ARHGAP27: variants seen among roughly 807,000 people sequenced by gnomAD.
The protein encoded by ARHGAP27 is rho GTPase-activating protein 27.
ARHGAP27 carries 53 observed loss-of-function variants against 102.0 expected under a neutral mutation model. The observed-to-expected ratio is 0.52, with a 90% CI of 0.42 to 0.65. The LOEUF (loss-of-function observed/expected upper bound fraction) is 0.65. Among genes scored for constraint, ARHGAP27 ranks in the 30% least tolerant of loss-of-function variants. The probability of loss-of-function intolerance (pLI) is 0.00; values close to 1 mark genes in which losing one functional copy is unlikely to be tolerated. For synonymous variants in ARHGAP27, 525 were observed against 542.8 expected (o/e 0.97, Z 0.46); for missense variants, 1,117 against 1,256.2 (o/e 0.89, Z 1.68).
chr17:45,411,330 C>T (rs1157707162), intron 4 of ARHGAP27, among the ~76,000 whole-genome samples: 1 of 152,030 alleles, frequency 6.6e-6, no homozygotes, highest in Non-Finnish European at 1.5e-5. Context: ...GGCCAGGCAG[C>T]ACTAAGCCCA....
Position 45,395,155 on chromosome 17 carries a change from C to CCACACACGCTAT in ARHGAP27, c.*289_*300dup, listed in dbSNP as rs1453120642. On this transcript the variant is annotated 3_prime_UTR_variant, in exon 20 of 20. Transcript: ENST00000685559. ...CATTCCAGAAAACAAACTCTCACCC[C>CCACACACGCTAT]CACACACGCTATCGCACACGCACAG... The CCACACACGCTAT allele has an allele frequency of 3.9e-4, 180 of 464,068 alleles. No individual in the cohort carries two copies. Among genetic ancestry groups the CCACACACGCTAT allele is most frequent in the Middle Eastern group, 5.6e-4 (1 of 1,796 alleles). The allele number at this position is 464,068 out of a possible 1,614,324, so 28.7% of individuals were successfully genotyped here.
Position 45,404,910 on chromosome 17 carries a change from C to T in ARHGAP27, c.1248+14G>A, listed in dbSNP as rs1461805367. The T allele has an allele frequency of 6.8e-6, 11 of 1,614,092 alleles. No individual in the cohort carries two copies. In the East Asian group the frequency reaches 1.3e-4, roughly 20 times the overall value. The stretch of plus-strand genomic sequence containing the variant: ...CTCTGAGGCTGTCCGGGTCCATCTG[C>T]CCCCTGCCCCTACCTGCTCCTGAGT... On this transcript the variant is annotated intron_variant, in intron 6 of 19. Coordinates refer to ENST00000685559, the MANE Select transcript of ARHGAP27 (RefSeq NM_001282290.2).
chr17:45,402,287 C>G (rs568345804), intron 12 of ARHGAP27, among the ~76,000 whole-genome samples: 2 of 152,310 alleles, frequency 1.3e-5, no homozygotes, highest in Admixed American at 6.5e-5. Flanking sequence ...CCATTCTAGT[C>G]ATGAGAATTT....
chr17:45,410,427 A>T, intron 4 of ARHGAP27: 102 of 1,164,998 alleles, frequency 8.8e-5, no homozygotes, highest in East Asian at 4.6e-4. Context: ...ACTCCAGCCC[A>T]TTTCCTGTCA....
chr17:45,396,704 T>A lies in ARHGAP27; in HGVS notation c.2038A>T (p.Thr680Ser). The A allele has an allele frequency of 6.2e-7, 1 of 1,613,816 alleles. No homozygotes were observed. The highest frequency in any genetic ancestry group is 8.5e-7 in the Non-Finnish European group (1 of 1,179,794). The change falls in exon 15 of 20, where the codon ACA (threonine) becomes TCA (serine). Residue 680 changes from threonine to serine, a missense_variant. Coordinates refer to ENST00000685559, the MANE Select transcript of ARHGAP27 (RefSeq NM_001282290.2). ...CCCTTCTCCCGCAGCGACTGCAGTGTGGGCCGCCTCTGGAGGAACTTGCGG... is the reference window on the plus strand; with the variant it reads ...CCCTTCTCCCGCAGCGACTGCAGTGAGGGCCGCCTCTGGAGGAACTTGCGG... ...KLRKFLQRRP[T>S]LQSLREKGYI...
chr17:45,431,402 C>T (rs1412396575), intron 3 of ARHGAP27, among the ~76,000 whole-genome samples: 1 of 152,242 alleles, frequency 6.6e-6, no homozygotes, highest in African/African-American at 2.4e-5. Flanking sequence ...AGGAGACCGC[C>T]GCTTGCCGAG....
rs767217091 is a variant in ARHGAP27, at chr17:45,402,752, C to T, written c.1705G>A (p.Ala569Thr). The change falls in exon 12 of 20, where the codon GCC (alanine) becomes ACC (threonine). Residue 569 changes from alanine to threonine, a missense_variant. By Grantham distance (58) the Ala-to-Thr change is moderately conservative (BLOSUM62 0). Coordinates refer to ENST00000685559, the MANE Select transcript of ARHGAP27 (RefSeq NM_001282290.2). ...TTCCTACTGGATTTGTCTTTGGGGG[C>T]CCAGGAGAGAGTGGCCCCCCTCAGC... ...VELRGATLSW[A>T]PKDKSSRKNV... 5.6e-6 allele frequency: 9 copies of T among 1,613,282 alleles called. No individual in the cohort carries two copies. The Admixed American group carries it at 8.3e-5, about 15-fold the overall frequency.
At chr17:45,397,053 G>C in intron 13 of ARHGAP27, 29 bp from the exon 14 acceptor site, 4 of 1,598,960 alleles carry the variant, frequency 2.5e-6, no homozygotes, top group Non-Finnish European at 3.4e-6. Flanking sequence ...AGAGAGGCGG[G>C]GCCTTGAGCC....
intron 4 of ARHGAP27, among the ~76,000 whole-genome samples, chr17:45,406,590 G>A (rs1347158696): frequency 6.6e-6 from 1 of 152,242 alleles, no homozygotes; most frequent in Non-Finnish European, 1.5e-5. Context: ...GCAAGTCAGA[G>A]GTTGGGCAGG....
Position 45,422,610 on chromosome 17 carries a change from G to A in ARHGAP27, c.657+7013C>T, listed in dbSNP as rs1448031476. Among the ~76,000 whole-genome samples the A allele has an allele frequency of 3.3e-5, 5 of 152,316 alleles. No individual in the cohort carries two copies. The East Asian group carries it at 5.8e-4, about 18-fold the overall frequency. On this transcript the variant is annotated intron_variant, in intron 4 of 19. Coordinates refer to ENST00000685559, the MANE Select transcript of ARHGAP27 (RefSeq NM_001282290.2). ...AGGATAAAGAGGGACACCACGTAAT[G>A]ATAGAAAAGCACAATTTGTAACGAA...
chr17:45,416,333 C>A (rs1381796719), intron 4 of ARHGAP27, among the ~76,000 whole-genome samples: 2 of 151,920 alleles, frequency 1.3e-5, no homozygotes, highest in African/African-American at 2.4e-5. Flanking sequence ...GGATTACAGG[C>A]GTGAGCCACC....
chr17:45,398,106 GC>G, intron 12 of ARHGAP27, 59 bp from the exon 13 acceptor site: 1 of 1,453,242 alleles, frequency 6.9e-7, no homozygotes. Flanking sequence ...CTGGGGGTTG[GC>G]CCTAGTTGGG....
chr17:45,395,534 C>T lies in ARHGAP27; in HGVS notation c.2592G>A (p.Met864Ile). ...GGTTCTGGAACACCATGGTCATGGGCATGCTGGTCTCTTCCACCTCGGGCC... is the reference window on the plus strand; with the variant it reads ...GGTTCTGGAACACCATGGTCATGGGTATGCTGGTCTCTTCCACCTCGGGCC... Reference protein sequence around the residue: ...LLRPEVEETSMPMTMVFQNQV... With the variant: ...LLRPEVEETSIPMTMVFQNQV... Residue 864 changes from methionine to isoleucine, a missense_variant, in exon 20 of 20, where the codon ATG (methionine) becomes ATA (isoleucine). Coordinates refer to ENST00000685559, the MANE Select transcript of ARHGAP27 (RefSeq NM_001282290.2). 1.2e-6 allele frequency: 2 copies of T among 1,602,054 alleles called. No homozygotes were observed.
At chr17:45,417,372 G>C (rs1201558991) in intron 4 of ARHGAP27, among the ~76,000 whole-genome samples, 1 of 151,994 alleles carries the variant, frequency 6.6e-6, no homozygotes, top group Non-Finnish European at 1.5e-5. Context: ...GGTAAGGCAG[G>C]AGTATCACTT....
intron 13 of ARHGAP27, chr17:45,397,343 A>C: frequency 8.1e-7 from 1 of 1,228,844 alleles, no homozygotes; most frequent in Non-Finnish European, 1.0e-6. Context: ...CTGGGTCAGC[A>C]TTCCTCAATA....
rs1289179296 is a variant in ARHGAP27, at chr17:45,432,262, G to A, written c.-197C>T. The A allele has an allele frequency of 6.4e-6, 1 of 156,172 alleles. No homozygotes were observed. Among genetic ancestry groups the A allele is most frequent in the Non-Finnish European group, 1.4e-5 (1 of 69,408 alleles). The allele number at this position is 156,172 out of a possible 1,614,324, so 9.7% of individuals were successfully genotyped here. On this transcript the variant is annotated 5_prime_UTR_variant, in exon 2 of 20. Coordinates refer to ENST00000685559, the MANE Select transcript of ARHGAP27 (RefSeq NM_001282290.2). Reference sequence around the variant, plus strand: ...CCGGCCGGGCCTGGAAAAACTCCGAGCGGGATTCCCAGCGCAGGGACGCCC... The same window carrying A: ...CCGGCCGGGCCTGGAAAAACTCCGAACGGGATTCCCAGCGCAGGGACGCCC...
At chr17:45,402,616 G>T in intron 12 of ARHGAP27, 98 bp downstream of exon 12, 2 of 1,171,844 alleles carry the variant, frequency 1.7e-6, no homozygotes, top group South Asian at 1.3e-5. Context: ...GGAATTAAGG[G>T]TCAAAAACCC....
At chr17:45,396,365 C>A in intron 16 of ARHGAP27, 81 bp from the exon 17 acceptor site, 2 of 1,480,304 alleles carry the variant, frequency 1.4e-6, no homozygotes, top group Non-Finnish European at 1.8e-6. Flanking sequence ...GACTCCCACT[C>A]GGGGCCTCCC....
chr17:45,422,249 C>G (rs1384461984), intron 4 of ARHGAP27, among the ~76,000 whole-genome samples: 1 of 145,666 alleles, frequency 6.9e-6, no homozygotes, highest in African/African-American at 2.5e-5. Flanking sequence ...ACAAAAAATA[C>G]CAAAAAAAAA....
Sources: allele counts gnomAD v4.1 joint callset (sites outside exome capture counted in the v4.1 genomes callset), GRCh38; gene constraint gnomAD v4.1.1; transcripts MANE v1.5; gene names NCBI Gene and HGNC (gene_info 2026-07-23, HGNC 2026-07-21).